The following CACNA2D3 variants were observed in gnomAD, a reference collection of about 807,000 sequenced individuals.
CACNA2D3 encodes calcium voltage-gated channel auxiliary subunit alpha2delta 3.
A neutral mutation model predicts 160.6 loss-of-function variants in CACNA2D3; 60 were observed. That is an observed-to-expected ratio of 0.37 (90% CI 0.30 to 0.46). CACNA2D3 has a LOEUF of 0.46. Ranked by LOEUF, CACNA2D3 falls within the 20% of genes least tolerant of loss-of-function variation. CACNA2D3 has a pLI of 1.00. For missense variants in CACNA2D3, 1,205 were observed against 1,365.0 expected (o/e 0.88, Z 1.85); for synonymous variants, 558 against 492.9 (o/e 1.13, Z -1.75).
intron 2 of CACNA2D3, among the ~76,000 whole-genome samples, chr3:54,141,061 C>CTGTGTGTGTGGGTGTG (rs1699917102): frequency 1.5e-5 from 2 of 129,480 alleles, no homozygotes; most frequent in African/African-American, 6.3e-5. Context: ...CAGGTGAAAC[C>CTGTGTGTGTGGGTGTG]TGTGTGTGTG....
At chr3:54,888,482 T>G (rs1460915229) in intron 24 of CACNA2D3, among the ~76,000 whole-genome samples, 1 of 152,096 alleles carries the variant, frequency 6.6e-6, no homozygotes, top group East Asian at 1.9e-4. Context: ...ATTTCTGAAG[T>G]GGAGGGTGGA....
At chr3:55,062,420 T>TCTA (rs10643334) in intron 35 of CACNA2D3, among the ~76,000 whole-genome samples, 18,801 of 152,012 alleles carry the variant, frequency 0.12, 2,079 homozygotes, top group East Asian at 0.28. Flanking sequence ...GGCTGTATCT[T>TCTA]CTCATTTTCC....
intron 11 of CACNA2D3, among the ~76,000 whole-genome samples, chr3:54,705,641 A>C (rs1333220637): frequency 1.3e-5 from 2 of 152,204 alleles, no homozygotes; most frequent in Non-Finnish European, 2.9e-5. Flanking sequence ...TTGTAGAGTT[A>C]TTTAATTCAA....
chr3:54,891,631 C>T (rs1700071148), intron 25 of CACNA2D3, among the ~76,000 whole-genome samples, 181 bp downstream of exon 25: 2 of 152,202 alleles, frequency 1.3e-5, no homozygotes, highest in Admixed American at 1.3e-4. Flanking sequence ...TTTCACCTGC[C>T]TGTTAGCCCT....
At chr3:54,686,432 T>C (rs937247262) in intron 11 of CACNA2D3, among the ~76,000 whole-genome samples, 13 of 152,230 alleles carry the variant, frequency 8.5e-5, no homozygotes, top group Non-Finnish European at 1.8e-4. Context: ...TCAAGATTCA[T>C]GGTCAAAGGT....
intron 31 of CACNA2D3, among the ~76,000 whole-genome samples, chr3:54,991,471 A>G (rs952143987): frequency 6.6e-6 from 1 of 151,992 alleles, no homozygotes; most frequent in East Asian, 1.9e-4. Context: ...GATCCCCCCA[A>G]CTTGGCCTCC....
chr3:55,071,373 T>G (rs1018515119), intron 35 of CACNA2D3, among the ~76,000 whole-genome samples: 34 of 152,178 alleles, frequency 2.2e-4, no homozygotes, highest in Non-Finnish European at 4.6e-4. Flanking sequence ...CAGTCATGTG[T>G]CTGTAGGGGG....
chr3:54,911,840 TCA>T (rs905424667), intron 27 of CACNA2D3, among the ~76,000 whole-genome samples: 17 of 152,198 alleles, frequency 1.1e-4, no homozygotes, highest in African/African-American at 4.1e-4. Flanking sequence ...GCCAAAATTC[TCA>T]CAGAGGTCCA....
intron 2 of CACNA2D3, among the ~76,000 whole-genome samples, chr3:54,256,222 CT>C (rs909590538): frequency 1.3e-5 from 2 of 152,144 alleles, no homozygotes; most frequent in Non-Finnish European, 2.9e-5. Flanking sequence ...TATGTGAAGT[CT>C]TGTTGTACCT....
intron 5 of CACNA2D3, among the ~76,000 whole-genome samples, chr3:54,510,342 C>G (rs927279586): frequency 1.3e-5 from 2 of 152,150 alleles, no homozygotes; most frequent in Non-Finnish European, 2.9e-5. Flanking sequence ...AGTGCATTAT[C>G]TCATTGACAA....
chr3:54,831,249 C>A (rs934770122), intron 14 of CACNA2D3, among the ~76,000 whole-genome samples: 1 of 152,204 alleles, frequency 6.6e-6, no homozygotes, highest in African/African-American at 2.4e-5. Context: ...CTGAAAACCA[C>A]CTGGCAGTCC....
At chr3:54,522,701 A>C (rs562700723) in intron 5 of CACNA2D3, among the ~76,000 whole-genome samples, 58 of 152,280 alleles carry the variant, frequency 3.8e-4, no homozygotes, top group African/African-American at 1.4e-3. Flanking sequence ...GGTGAAAGTG[A>C]GAAAGGGAGA....
chr3:54,562,773 C>T (rs748475084), intron 5 of CACNA2D3, 27 bp from the exon 6 acceptor site: 6 of 1,598,170 alleles, frequency 3.8e-6, no homozygotes, highest in Non-Finnish European at 5.1e-6. Flanking sequence ...TCTAATACAC[C>T]CCTCTCTCTC....
At chr3:54,198,310 A>G (rs1362554232) in intron 2 of CACNA2D3, among the ~76,000 whole-genome samples, 1 of 152,222 alleles carries the variant, frequency 6.6e-6, no homozygotes, top group Non-Finnish European at 1.5e-5. Context: ...CTGTGTGCCA[A>G]CTTGGGCTTT....
chr3:54,626,378 T>G (rs914880513), intron 9 of CACNA2D3: 2 of 1,565,390 alleles, frequency 1.3e-6, no homozygotes, highest in East Asian at 2.3e-5. Context: ...CAGCACTCCC[T>G]GCTGAAGTGC....
At chr3:54,826,299 C>G (rs1703749446) in intron 14 of CACNA2D3, among the ~76,000 whole-genome samples, 1 of 152,124 alleles carries the variant, frequency 6.6e-6, no homozygotes, top group African/African-American at 2.4e-5. Flanking sequence ...CATCTCATGC[C>G]AAAGGATTCA....
chr3:54,767,230 TATTTC>T (rs1411151811), intron 13 of CACNA2D3, among the ~76,000 whole-genome samples: 2 of 152,104 alleles, frequency 1.3e-5, no homozygotes, highest in Non-Finnish European at 2.9e-5. Context: ...AATCCAATAA[TATTTC>T]AAGTGAATAA....
chr3:54,922,979 G>C (rs1251810538), intron 27 of CACNA2D3, among the ~76,000 whole-genome samples: 1 of 152,164 alleles, frequency 6.6e-6, no homozygotes, highest in Non-Finnish European at 1.5e-5. Context: ...AGTATTCCAA[G>C]TATCTCCCAG....
intron 3 of CACNA2D3, among the ~76,000 whole-genome samples, chr3:54,332,608 G>A (rs1329078311): frequency 6.6e-6 from 1 of 151,844 alleles, no homozygotes; most frequent in Non-Finnish European, 1.5e-5. Context: ...TTGAACTAAT[G>A]CCTGTCGGGA....
Sources: allele counts gnomAD v4.1 joint callset (sites outside exome capture counted in the v4.1 genomes callset), GRCh38; gene constraint gnomAD v4.1.1; transcripts MANE v1.5; gene names NCBI Gene and HGNC (gene_info 2026-07-23, HGNC 2026-07-21).